The following GCH1 variants were observed in gnomAD, a reference collection of about 807,000 sequenced individuals.
The protein encoded by GCH1 is GTP cyclohydrolase I.
GCH1 carries 5 observed loss-of-function variants against 25.9 expected under a neutral mutation model. The observed-to-expected ratio is 0.19, with a 90% CI of 0.10 to 0.41. The LOEUF (loss-of-function observed/expected upper bound fraction) is 0.41, where lower values mean the gene tolerates loss of function less well. GCH1 is among the 10% of genes least tolerant of loss of function. The probability of loss-of-function intolerance (pLI) is 1.00; values close to 1 mark genes in which losing one functional copy is unlikely to be tolerated. For missense variants in GCH1, 261 were observed against 336.5 expected (o/e 0.78, Z 1.75); for synonymous variants, 159 against 129.6 (o/e 1.23, Z -1.54).
chr14:54,882,632 A>ATGG (rs2040287423), intron 1 of GCH1, among the ~76,000 whole-genome samples: 1 of 152,180 alleles, frequency 6.6e-6, no homozygotes. Context: ...TACGAAACAG[A>ATGG]TGGTGATAAC....
At chr14:54,899,122 A>C (rs1415523454) in intron 1 of GCH1, among the ~76,000 whole-genome samples, 2 of 152,178 alleles carry the variant, frequency 1.3e-5, no homozygotes, top group African/African-American at 4.8e-5. Flanking sequence ...ATTGAAGGAA[A>C]CATCATAATG....
chr14:54,876,639 G>A (rs2040165724), intron 1 of GCH1, among the ~76,000 whole-genome samples: 1 of 152,064 alleles, frequency 6.6e-6, no homozygotes. Context: ...ATTCCAGCCT[G>A]GGTGACAGAA....
At chr14:54,874,507 AG>A (rs1259072398) in intron 1 of GCH1, among the ~76,000 whole-genome samples, 1 of 152,216 alleles carries the variant, frequency 6.6e-6, no homozygotes, top group African/African-American at 2.4e-5. Flanking sequence ...ATCAGGCAGG[AG>A]AAAGAAATAA....
chr14:54,868,760 C>G (rs2040024949), intron 1 of GCH1, among the ~76,000 whole-genome samples: 2 of 151,592 alleles, frequency 1.3e-5, no homozygotes, highest in Non-Finnish European at 1.5e-5. Flanking sequence ...TGCCACCACC[C>G]CAGCTAATTT....
intron 1 of GCH1, chr14:54,885,653 C>T: frequency 3.7e-6 from 1 of 269,390 alleles, no homozygotes; most frequent in South Asian, 4.2e-5. Flanking sequence ...CTTTGGGAGG[C>T]CAAGGCAGGG....
intron 2 of GCH1, among the ~76,000 whole-genome samples, chr14:54,864,801 T>A (rs1159067419): frequency 6.6e-6 from 1 of 151,954 alleles, no homozygotes; most frequent in Non-Finnish European, 1.5e-5. Context: ...TTCACAGAGG[T>A]GCTGAGGAAT....
intron 3 of GCH1, among the ~76,000 whole-genome samples, chr14:54,858,402 C>A (rs1344073104): frequency 6.6e-6 from 1 of 152,136 alleles, no homozygotes; most frequent in Admixed American, 6.5e-5. Flanking sequence ...TCTCCTGCCT[C>A]AGCCTCCTGA....
intron 2 of GCH1, among the ~76,000 whole-genome samples, chr14:54,862,379 CTTTTTTTTTTTTT>C (rs892910613): frequency 3.5e-5 from 2 of 57,410 alleles, no homozygotes; most frequent in African/African-American, 6.1e-5. Flanking sequence ...AAGCACTACT[CTTTTTTTTTTTTT>C]TTTTTTTTTT....
chr14:54,885,921 C>T (rs925754004), intron 1 of GCH1: 1 of 192,520 alleles, frequency 5.2e-6, no homozygotes, highest in South Asian at 8.8e-5. Context: ...CAAAAAAAAA[C>T]GGGCAAGCTT....
At chr14:54,850,305 CTTT>C (rs763310228) in intron 3 of GCH1, among the ~76,000 whole-genome samples, 5 of 117,024 alleles carry the variant, frequency 4.3e-5, no homozygotes, top group Admixed American at 8.7e-5. Context: ...TAAGTAGGTT[CTTT>C]TTTTTTTTTT....
At position 54,902,567 on chromosome 14, in the gene GCH1, T is replaced by A. The variant is rs1373130817; in HGVS notation, c.97A>T (p.Ser33Cys). ...PERDPPRPGP[S>C]RPAEKPPRPE... ...CGCGGGGGCTTCTCCGCCGGCCTGCTGGGCCCGGGCCGCGGCGGATCCCGC... is the reference window on the plus strand; with the variant it reads ...CGCGGGGGCTTCTCCGCCGGCCTGCAGGGCCCGGGCCGCGGCGGATCCCGC... The change falls in exon 1 of 6, where the codon AGC becomes TGC. Residue 33 changes from serine (S) to cysteine (C), a missense_variant. Ser to Cys is a moderately radical substitution (Grantham distance 112, BLOSUM62 -1). This residue lies in a region of GCH1 where 125 missense variants were observed against 128.7 expected (regional missense o/e 0.97). Transcript: ENST00000491895. 1 of 1,505,928 alleles carries A rather than the reference T, an allele frequency of 6.6e-7. No individual in the cohort carries two copies. The highest frequency in any genetic ancestry group is 8.9e-7 in the Non-Finnish European group (1 of 1,129,610). 93.3% of individuals were successfully genotyped at this position (1,505,928 alleles called of 1,614,324 possible).
chr14:54,900,699 A>G (rs1392842702), intron 1 of GCH1, among the ~76,000 whole-genome samples: 1 of 152,156 alleles, frequency 6.6e-6, no homozygotes, highest in Non-Finnish European at 1.5e-5. Flanking sequence ...GATCCATGCT[A>G]GATTACAGAA....
At chr14:54,876,383 C>T (rs2040160768) in intron 1 of GCH1, among the ~76,000 whole-genome samples, 1 of 151,980 alleles carries the variant, frequency 6.6e-6, no homozygotes, top group African/African-American at 2.4e-5. Flanking sequence ...AGGAGATATA[C>T]CTAATGTTAA....
At chr14:54,885,751 C>T (rs1005472523) in intron 1 of GCH1, among the ~76,000 whole-genome samples, 7 of 152,054 alleles carry the variant, frequency 4.6e-5, no homozygotes, top group Non-Finnish European at 1.0e-4. Flanking sequence ...TAGCTGGGTG[C>T]GGTGGAATGC....
chr14:54,870,411 C>T (rs73280512), intron 1 of GCH1, among the ~76,000 whole-genome samples: 16,862 of 150,812 alleles, frequency 0.11, 1,272 homozygotes, highest in East Asian at 0.4. Context: ...CAGTCTACAG[C>T]TCCCAGTGTG....
intron 3 of GCH1, among the ~76,000 whole-genome samples, chr14:54,858,556 G>A (rs1479794023): frequency 6.6e-6 from 1 of 151,902 alleles, no homozygotes; most frequent in Non-Finnish European, 1.5e-5. Context: ...AAAGTGCTGG[G>A]ATTACAAGTG....
intron 1 of GCH1, among the ~76,000 whole-genome samples, chr14:54,899,848 A>G (rs1026868237): frequency 1.3e-5 from 2 of 151,270 alleles, no homozygotes; most frequent in Non-Finnish European, 2.9e-5. Flanking sequence ...CTAATCTTGC[A>G]GTGTCTCTAC....
At chr14:54,855,431 A>AGGT (rs2039793832) in intron 3 of GCH1, among the ~76,000 whole-genome samples, 2 of 143,716 alleles carry the variant, frequency 1.4e-5, no homozygotes, top group African/African-American at 5.4e-5. Flanking sequence ...GCTTGAACCC[A>AGGT]GGAGGTGGAG....
intron 1 of GCH1, among the ~76,000 whole-genome samples, chr14:54,870,721 G>C (rs1374734462): frequency 6.6e-6 from 1 of 152,186 alleles, no homozygotes; most frequent in African/African-American, 2.4e-5. Context: ...TGGCTCGGAG[G>C]GTCCTACTCC....
Sources: allele counts gnomAD v4.1 joint callset (sites outside exome capture counted in the v4.1 genomes callset), GRCh38; gene constraint gnomAD v4.1.1; regional missense constraint gnomAD v4.1.1; transcripts MANE v1.5; gene names NCBI Gene and HGNC (gene_info 2026-07-23, HGNC 2026-07-21).